The following GNA13 variants were observed in gnomAD, a reference collection of about 807,000 sequenced individuals.
The protein encoded by GNA13 is G protein subunit alpha 13, also known as guanine nucleotide-binding protein subunit alpha-13.
A neutral mutation model predicts 33.5 loss-of-function variants in GNA13; 4 were observed. The ratio of observed to expected loss-of-function variants is 0.12; its 90% CI spans 0.06 to 0.27. GNA13 has a LOEUF of 0.27. Ranked by LOEUF, GNA13 falls within the 10% of genes least tolerant of loss-of-function variation. The pLI, the probability that GNA13 is intolerant of heterozygous loss-of-function variation, is 1.00. For missense variants in GNA13, 319 were observed against 487.2 expected (o/e 0.65, Z 3.25); for synonymous variants, 176 against 183.8 (o/e 0.96, Z 0.34).
At chr17:65,018,340 T>C in intron 2 of GNA13, 37 bp from the exon 3 acceptor site, 1 of 1,000,032 alleles carries the variant, frequency 1.0e-6, no homozygotes, top group Non-Finnish European at 1.6e-6. Flanking sequence ...TATTAGGGCT[T>C]AGAAATGGAA....
In GNA13 at chr17:65,010,920, G is replaced by T. The variant is rs1906165625; in HGVS notation, c.*3337C>A. On this transcript the variant is annotated 3_prime_UTR_variant, in exon 4 of 4. Transcript: ENST00000439174. ...TTGTCTAAATGTATCATTATATAAT[G>T]AAAGCACCAATTTGAGGGTTTCTCA... The T allele has an allele frequency of 4.9e-6, 1 of 203,404 alleles. No homozygotes were observed. Among genetic ancestry groups the T allele is most frequent in the African/African-American group, 2.3e-5 (1 of 43,616 alleles). 12.6% of individuals were successfully genotyped at this position (203,404 alleles called of 1,614,324 possible).
intron 2 of GNA13, among the ~76,000 whole-genome samples, chr17:65,047,042 A>G (rs1215116080): frequency 6.6e-6 from 1 of 152,234 alleles, no homozygotes; most frequent in Non-Finnish European, 1.5e-5. Flanking sequence ...AAGTTGTATT[A>G]AAACTATAAG....
intron 2 of GNA13, among the ~76,000 whole-genome samples, chr17:65,040,562 T>C (rs1379903365): frequency 6.6e-6 from 1 of 152,184 alleles, no homozygotes; most frequent in African/African-American, 2.4e-5. Flanking sequence ...TGGAGTGCCG[T>C]GGCATGACCT....
chr17:65,049,224 C>G (rs1310388389), intron 2 of GNA13, among the ~76,000 whole-genome samples: 1 of 152,140 alleles, frequency 6.6e-6, no homozygotes, highest in Admixed American at 6.6e-5. Flanking sequence ...ATTCTCGTGC[C>G]TCAGTCTCCT....
At position 65,018,194 on chromosome 17, in the gene GNA13, A is replaced by G. The variant is rs974780326; in HGVS notation, c.561+59T>C. ...AATTTTTCTAAATTTCCTAACATCG[A>G]TATCCTGACTTCTGCTTTCAAATGG... On this transcript the variant is annotated intron_variant, in intron 3 of 3. Transcript: ENST00000439174. 3 of 839,750 alleles carry G rather than the reference A, an allele frequency of 3.6e-6. No individual in the cohort carries two copies. In the Admixed American group the frequency reaches 5.4e-5, roughly 15 times the overall value. The allele number at this position is 839,750 out of a possible 1,614,324, so 52.0% of individuals were successfully genotyped here.
chr17:65,026,249 T>G (rs1906779157), intron 2 of GNA13, among the ~76,000 whole-genome samples: 1 of 151,102 alleles, frequency 6.6e-6, no homozygotes, highest in Non-Finnish European at 1.5e-5. Context: ...ATCCAACCCT[T>G]AAACAAACCT....
chr17:65,028,426 A>AAT, intron 2 of GNA13, among the ~76,000 whole-genome samples: 1 of 151,242 alleles, frequency 6.6e-6, no homozygotes, highest in African/African-American at 2.4e-5. Flanking sequence ...AAAAAAAAAA[A>AAT]ATACCACCTA....
At chr17:65,048,773 T>C (rs1907759079) in intron 2 of GNA13, among the ~76,000 whole-genome samples, 1 of 152,250 alleles carries the variant, frequency 6.6e-6, no homozygotes, top group African/African-American at 2.4e-5. Flanking sequence ...CAGTTGTTCA[T>C]CTTAGGCAAA....
At chr17:65,016,507 T>C (rs1244912944) in intron 3 of GNA13, among the ~76,000 whole-genome samples, 1 of 152,166 alleles carries the variant, frequency 6.6e-6, no homozygotes, top group Non-Finnish European at 1.5e-5. Flanking sequence ...ATTACAGGTG[T>C]GCACCACCAC....
rs368009337 is a variant in GNA13 at position 65,056,401 on chromosome 17, G to A, written c.193C>T (p.Leu65=). 1.9e-6 allele frequency: 3 copies of A among 1,613,672 alleles called. No homozygotes were observed. Among genetic ancestry groups the A allele is most frequent in the Admixed American group, 1.7e-5 (1 of 60,006 alleles). Residue 65 remains leucine, a synonymous_variant, in exon 1 of 4, where the codon CTG becomes TTG. Transcript: ENST00000439174. The part of the protein sequence containing the change: ...GAGESGKSTF[L]KQMRIIHGQD... ...CCGTGGATGATCCGCATCTGCTTCA[G>A]GAAGGTGGACTTGCCGCTCTCGCCC...
chr17:65,025,279 T>C (rs1178908022), intron 2 of GNA13, among the ~76,000 whole-genome samples: 1 of 152,190 alleles, frequency 6.6e-6, no homozygotes, highest in Non-Finnish European at 1.5e-5. Context: ...TCTTTTGGGA[T>C]ATCTGAATCA....
chr17:65,020,654 A>AT (rs112893348), intron 2 of GNA13, among the ~76,000 whole-genome samples: 2,821 of 144,636 alleles, frequency 0.02, 82 homozygotes, highest in African/African-American at 0.059. Context: ...ACTGAAGGGA[A>AT]TTTTTTTTTT....
At chr17:65,031,876 GAGAGAGAGAGAGAGAGAGAA>G (rs1178053399) in intron 2 of GNA13, among the ~76,000 whole-genome samples, 3 of 121,332 alleles carry the variant, frequency 2.5e-5, no homozygotes, top group Non-Finnish European at 5.2e-5. Context: ...TAGAGAGAGA[GAGAGAGAGAGAGAGAGAGAA>G]AGAGAGAGAG....
At chr17:65,053,334 A>G (rs1443164) in intron 2 of GNA13, 168 bp downstream of exon 2, 561,102 of 591,818 alleles carry the variant, frequency 0.95, 272,286 homozygotes, top group East Asian at 1. Context: ...CGTAGTCATT[A>G]GAGACTAGGA....
At chr17:65,015,662 T>TTA (rs768849625) in intron 3 of GNA13, among the ~76,000 whole-genome samples, 7 of 74,702 alleles carry the variant, frequency 9.4e-5, no homozygotes, top group Non-Finnish European at 1.4e-4. Context: ...GACTTTGTCT[T>TTA]AAAAAAAAAA....
chr17:65,036,978 A>G (rs1907272149), intron 2 of GNA13, among the ~76,000 whole-genome samples: 1 of 152,218 alleles, frequency 6.6e-6, no homozygotes, highest in African/African-American at 2.4e-5. Context: ...TTGGGTTGCT[A>G]GGGCCTAGTC....
intron 2 of GNA13, among the ~76,000 whole-genome samples, chr17:65,049,247 C>G (rs906093430): frequency 6.6e-6 from 1 of 152,146 alleles, no homozygotes; most frequent in African/African-American, 2.4e-5. Context: ...GTAGCCAGGA[C>G]TACAGGTACA....
intron 2 of GNA13, among the ~76,000 whole-genome samples, chr17:65,019,018 T>C (rs960402666): frequency 3.3e-5 from 5 of 152,194 alleles, no homozygotes; most frequent in African/African-American, 1.2e-4. Flanking sequence ...CCGAGTCTCC[T>C]AGTCCTCACC....
At chr17:65,035,409 G>A (rs1265380340) in intron 2 of GNA13, among the ~76,000 whole-genome samples, 1 of 152,124 alleles carries the variant, frequency 6.6e-6, no homozygotes, top group Non-Finnish European at 1.5e-5. Flanking sequence ...GTACAAACAA[G>A]CTTATCTCAA....
Sources: allele counts gnomAD v4.1 joint callset (sites outside exome capture counted in the v4.1 genomes callset), GRCh38; gene constraint gnomAD v4.1.1; transcripts MANE v1.5; gene names NCBI Gene and HGNC (gene_info 2026-07-23, HGNC 2026-07-21).